Variants in CD72 observed in about 807,000 individuals in gnomAD.
The protein encoded by CD72 is B-cell differentiation antigen CD72.
Under a neutral mutation model 50.7 loss-of-function variants are expected in CD72, and 28 were observed. The observed-to-expected ratio is 0.55, with a 90% CI of 0.41 to 0.76. The LOEUF (loss-of-function observed/expected upper bound fraction) is 0.76, where lower values mean the gene tolerates loss of function less well. Among genes scored for constraint, CD72 ranks in the 30% least tolerant of loss-of-function variants. The probability of loss-of-function intolerance (pLI) is 0.00; values close to 1 mark genes in which losing one functional copy is unlikely to be tolerated. For missense variants in CD72, 403 were observed against 420.6 expected (o/e 0.96, Z 0.37); for synonymous variants, 176 against 171.2 (o/e 1.03, Z -0.22).
upstream of CD72, chr9:35,618,685 T>C: frequency 3.3e-6 from 3 of 920,560 alleles, no homozygotes; most frequent in Non-Finnish European, 3.0e-6. Flanking sequence ...TGCCCCACCC[T>C]CCTCCTGGCT....
Position 35,616,701 on chromosome 9 carries a change from A to G in CD72, c.263-12T>C, listed in dbSNP as rs772372243. 4 of 1,606,476 alleles carry G rather than the reference A, an allele frequency of 2.5e-6. No homozygotes were observed. The highest frequency in any genetic ancestry group is 1.7e-5 in the Admixed American group (1 of 59,948). The stretch of plus-strand genomic sequence containing the variant: ...GCAGGTTGTGCGGCCTTAGGGGGAC[A>G]GTGGGATGGATGAGGGCAGTCAGCC... On this transcript the variant is annotated splice_polypyrimidine_tract_variant and intron_variant, in intron 3 of 8. Transcript: ENST00000259633.
At chr9:35,633,266 T>G (rs1161886849) in intron 1 of CD72, among the ~76,000 whole-genome samples, 1 of 140,602 alleles carries the variant, frequency 7.1e-6, no homozygotes, top group Non-Finnish European at 1.5e-5. Context: ...TGTTTTTTGT[T>G]TTTTTTTTTT....
intron 1 of CD72, among the ~76,000 whole-genome samples, chr9:35,626,995 G>A (rs572885503): frequency 1.3e-5 from 2 of 152,094 alleles, no homozygotes; most frequent in South Asian, 4.2e-4. Context: ...CCGCCACCAT[G>A]CCTGGCTAAT....
chr9:35,610,513 TCGGGCCC>T, intron 8 of CD72, 82 bp downstream of exon 8: 1 of 900,844 alleles, frequency 1.1e-6, no homozygotes. Context: ...AAGTTTTCTC[TCGGGCCC>T]CTGGGCCCCT....
At chr9:35,618,143 C>T in intron 1 of CD72, 22 bp from the exon 2 acceptor site, 1 of 1,609,796 alleles carries the variant, frequency 6.2e-7, no homozygotes, top group Non-Finnish European at 8.5e-7. Context: ...AGAAAAGGGA[C>T]CAAGGTGGGA....
chr9:35,617,994 A>G lies in CD72; in HGVS notation c.190+20T>C. On this transcript the variant is annotated intron_variant, in intron 2 of 8. Coordinates refer to ENST00000259633, the MANE Select transcript of CD72 (RefSeq NM_001782.3). ...AGACACAGCCCCCCAACAAACACAC[A>G]TCCCCCAGGCTCTCCAGACCTGCTT... is the stretch of plus-strand genomic sequence containing the variant. The G allele has an allele frequency of 6.9e-7, 1 of 1,438,880 alleles. No homozygotes were observed. Among genetic ancestry groups the G allele is most frequent in the Non-Finnish European group, 9.8e-7 (1 of 1,020,372 alleles). The allele number at this position is 1,438,880 out of a possible 1,614,324, so 89.1% of individuals were successfully genotyped here.
chr9:35,613,963 C>A (rs1823030410), intron 5 of CD72, among the ~76,000 whole-genome samples: 1 of 151,910 alleles, frequency 6.6e-6, no homozygotes. Flanking sequence ...CCAGATCACA[C>A]CACTGCACTC....
Position 35,618,147 on chromosome 9 carries a change from G to C in CD72, c.83-26C>G, listed in dbSNP as rs111915252. On this transcript the variant is annotated intron_variant, in intron 1 of 8. Coordinates refer to ENST00000259633, the MANE Select transcript of CD72 (RefSeq NM_001782.3). Reference sequence around the variant, plus strand: ...CTAGAGAGAAGAGAAAAGGGACCAAGGTGGGATTTGGGAATGGGATCTGTG... The same window carrying C: ...CTAGAGAGAAGAGAAAAGGGACCAACGTGGGATTTGGGAATGGGATCTGTG... 31 of 1,608,040 alleles carry C rather than the reference G, an allele frequency of 1.9e-5. No homozygotes were observed. The African/African-American group carries it at 3.7e-4, about 19-fold the overall frequency.
chr9:35,631,734 A>C (rs1823248129), intron 1 of CD72, among the ~76,000 whole-genome samples: 1 of 152,122 alleles, frequency 6.6e-6, no homozygotes, highest in South Asian at 2.1e-4. Context: ...CTCTACTAAA[A>C]ATACAAAAAA....
chr9:35,636,565 C>G (rs1437702349), intron 1 of CD72, among the ~76,000 whole-genome samples: 4 of 152,214 alleles, frequency 2.6e-5, no homozygotes, highest in Non-Finnish European at 5.9e-5. Flanking sequence ...GAAGTTTAAA[C>G]CCATCTTTGA....
chr9:35,644,940 GCCTGTAA>G (rs1823374508), intron 1 of CD72, among the ~76,000 whole-genome samples: 1 of 53,138 alleles, frequency 1.9e-5, no homozygotes, highest in Non-Finnish European at 5.4e-5. Flanking sequence ...GGTGGCTCAC[GCCTGTAA>G]TCCCAGCACT....
At chr9:35,628,243 C>T (rs1303740025) in intron 1 of CD72, among the ~76,000 whole-genome samples, 1 of 152,200 alleles carries the variant, frequency 6.6e-6, no homozygotes, top group African/African-American at 2.4e-5. Flanking sequence ...TCTGGGACTA[C>T]AGGCACGTGT....
At chr9:35,638,167 A>T (rs1823308984) in intron 1 of CD72, among the ~76,000 whole-genome samples, 1 of 152,008 alleles carries the variant, frequency 6.6e-6, no homozygotes, top group South Asian at 2.1e-4. Flanking sequence ...TTCACACTTC[A>T]TTCTCTCCCT....
chr9:35,618,392 T>C lies in CD72; in HGVS notation c.-89A>G. On this transcript the variant is annotated 5_prime_UTR_variant, in exon 1 of 9. Coordinates refer to ENST00000259633, the MANE Select transcript of CD72 (RefSeq NM_001782.3). ...CGTCTCTGTCCGTTTACAACTAGGC[T>C]CTGTGTTCCCTCTGTGACTGCACGG... The C allele has an allele frequency of 6.3e-7, 1 of 1,586,108 alleles. No homozygotes were observed. The highest frequency in any genetic ancestry group is 1.1e-5 in the South Asian group (1 of 88,164).
intron 3 of CD72, 178 bp downstream of exon 3, chr9:35,616,998 G>A: frequency 6.9e-7 from 1 of 1,449,594 alleles, no homozygotes; most frequent in Non-Finnish European, 9.0e-7. Flanking sequence ...GGGGGGCGGT[G>A]CACGTCGGAT....
At chr9:35,628,313 C>T (rs1048716832) in intron 1 of CD72, among the ~76,000 whole-genome samples, 3 of 152,130 alleles carry the variant, frequency 2.0e-5, no homozygotes, top group Admixed American at 6.5e-5. Flanking sequence ...ATGACCTGGG[C>T]GGGGCGTGGT....
intron 1 of CD72, among the ~76,000 whole-genome samples, chr9:35,637,287 C>A (rs1028889382): frequency 6.6e-6 from 1 of 152,220 alleles, no homozygotes; most frequent in African/African-American, 2.4e-5. Context: ...AAATAAACAG[C>A]CTTATTGCTC....
chr9:35,610,442 C>A, intron 8 of CD72, 142 bp from the exon 9 acceptor site: 1 of 290,292 alleles, frequency 3.4e-6, no homozygotes, highest in Non-Finnish European at 6.9e-6. Context: ...TCCCTGCCCA[C>A]CCCACCCTAA....
intron 7 of CD72, among the ~76,000 whole-genome samples, chr9:35,611,271 A>G (rs890565545): frequency 2.7e-5 from 4 of 150,758 alleles, no homozygotes; most frequent in Admixed American, 6.6e-5. Flanking sequence ...AAAAGATGGG[A>G]AGGCCAATTG....
Sources: allele counts gnomAD v4.1 joint callset (sites outside exome capture counted in the v4.1 genomes callset), GRCh38; gene constraint gnomAD v4.1.1; transcripts MANE v1.5; gene names NCBI Gene and HGNC (gene_info 2026-07-23, HGNC 2026-07-21).